Variants in CPEB3 observed in about 807,000 individuals in gnomAD.
The protein encoded by CPEB3 is cytoplasmic polyadenylation element binding protein 3.
In CPEB3, 20 loss-of-function variants were observed where a neutral mutation model predicts 67.2. That is an observed-to-expected ratio of 0.30 (90% CI 0.21 to 0.43). The LOEUF is 0.43. CPEB3 is among the 20% of genes least tolerant of loss of function. The pLI is 1.00. For missense variants in CPEB3, 746 were observed against 968.6 expected (o/e 0.77, Z 3.05); for synonymous variants, 376 against 393.1 (o/e 0.96, Z 0.51).
At chr10:92,137,363 T>C in intron 6 of CPEB3, 2 of 1,038,926 alleles carry the variant, frequency 1.9e-6, no homozygotes, top group East Asian at 2.6e-5. Flanking sequence ...CAGAGATACC[T>C]GTCTCCCAAA....
In CPEB3 at chr10:92,239,118, C is replaced by T. The variant is rs893712172; in HGVS notation, c.1005+228G>A. Among the ~76,000 whole-genome samples, 1 of 152,206 alleles carries T rather than the reference C, an allele frequency of 6.6e-6. No homozygotes were observed. Among genetic ancestry groups the T allele is most frequent in the South Asian group, 2.1e-4 (1 of 4,834 alleles). ...AAAATAAACTAAAAGAAAAAGGCTT[C>T]TTCTACCCTGAAGGGACGAATACGA... On this transcript the variant is annotated intron_variant, in intron 2 of 9. Transcript: ENST00000265997. This position sits in a 1 kb window ranked among gnomAD's most constrained non-coding sequence, Gnocchi z 6.0.
chr10:92,217,419 T>G (rs1850481240), intron 2 of CPEB3, among the ~76,000 whole-genome samples: 1 of 152,044 alleles, frequency 6.6e-6, no homozygotes, highest in South Asian at 2.1e-4. Context: ...ACTCCCAGCA[T>G]GCTTTTCAAG....
intron 9 of CPEB3, among the ~76,000 whole-genome samples, chr10:92,061,886 C>A (rs567936562): frequency 6.6e-6 from 1 of 152,306 alleles, no homozygotes; most frequent in South Asian, 2.1e-4. Flanking sequence ...CCCCATTCTC[C>A]ATGATGTGCT....
chr10:92,233,775 A>G (rs574132119), intron 2 of CPEB3, among the ~76,000 whole-genome samples: 109 of 152,254 alleles, frequency 7.2e-4, no homozygotes, highest in Admixed American at 4.0e-3. Flanking sequence ...ATAAAATATA[A>G]AACTCCTTGC....
intron 1 of CPEB3, among the ~76,000 whole-genome samples, chr10:92,266,687 G>T (rs577146398): frequency 6.6e-6 from 1 of 152,084 alleles, no homozygotes; most frequent in Non-Finnish European, 1.5e-5. Flanking sequence ...GTATAAAAGC[G>T]CTAGAAAGAA....
intron 6 of CPEB3, among the ~76,000 whole-genome samples, chr10:92,117,146 C>T (rs1425521680): frequency 1.3e-5 from 2 of 150,430 alleles, no homozygotes; most frequent in Non-Finnish European, 3.0e-5. Flanking sequence ...GCCTCAGCCT[C>T]CCAAGTAGCT....
At chr10:92,258,820 G>GT (rs1194881959) in intron 1 of CPEB3, among the ~76,000 whole-genome samples, 2 of 151,274 alleles carry the variant, frequency 1.3e-5, no homozygotes, top group Non-Finnish European at 2.9e-5. Context: ...ACCACGCTGA[G>GT]TAATTTTTTT....
At chr10:92,162,406 T>G (rs934901096) in intron 4 of CPEB3, among the ~76,000 whole-genome samples, 1 of 152,136 alleles carries the variant, frequency 6.6e-6, no homozygotes, top group Non-Finnish European at 1.5e-5. Flanking sequence ...ATATTATGTA[T>G]CTATGATTTG....
intron 2 of CPEB3, among the ~76,000 whole-genome samples, chr10:92,229,405 T>C (rs1176330568): frequency 6.6e-6 from 1 of 152,156 alleles, no homozygotes; most frequent in Non-Finnish European, 1.5e-5. Context: ...CTATTGTTAA[T>C]AACTCGACAT....
chr10:92,143,008 G>A lies in CPEB3; in HGVS notation c.1453+21C>T, dbSNP rs201487467. Reference sequence around the variant, plus strand: ...CTATCTCTCCAACAGGCAAGCAGTGGAAACATTTTAAGAGCATTACCTTTA... The same window carrying A: ...CTATCTCTCCAACAGGCAAGCAGTGAAAACATTTTAAGAGCATTACCTTTA... On this transcript the variant is annotated intron_variant, in intron 6 of 9. Coordinates refer to ENST00000265997, the MANE Select transcript of CPEB3 (RefSeq NM_014912.5). The A allele has an allele frequency of 7.0e-6, 11 of 1,568,716 alleles. No homozygotes were observed. In the Admixed American group the frequency reaches 1.5e-4, roughly 22 times the overall value.
chr10:92,264,948 C>T lies in CPEB3; in HGVS notation c.-11-24587G>A, dbSNP rs561397559. Reference sequence around the variant, plus strand: ...TGGGAGGCCAAGGTGGGCGGATCACCTGAGGTCAGGAGTTTGAGACCAGCC... The same window carrying T: ...TGGGAGGCCAAGGTGGGCGGATCACTTGAGGTCAGGAGTTTGAGACCAGCC... On this transcript the variant is annotated intron_variant, in intron 1 of 9. Coordinates refer to ENST00000265997, the MANE Select transcript of CPEB3 (RefSeq NM_014912.5). Among the ~76,000 whole-genome samples the T allele has an allele frequency of 4.6e-5, 7 of 152,086 alleles. No individual in the cohort carries two copies. The East Asian group carries it at 1.4e-3, about 30-fold the overall frequency.
chr10:92,187,113 T>G (rs1215895886), intron 3 of CPEB3, among the ~76,000 whole-genome samples: 2 of 152,190 alleles, frequency 1.3e-5, no homozygotes, highest in African/African-American at 4.8e-5. Context: ...ACAAATTTTG[T>G]GAAAGGCTCT....
intron 8 of CPEB3, among the ~76,000 whole-genome samples, chr10:92,088,319 T>A (rs1282099181): frequency 1.3e-5 from 2 of 149,764 alleles, no homozygotes; most frequent in Non-Finnish European, 3.0e-5. Context: ...CCGAGCTCCC[T>A]GGGCTCAAGT....
chr10:92,058,592 C>CATACATACATACATACATAT (rs534976355), intron 9 of CPEB3, among the ~76,000 whole-genome samples: 1 of 140,384 alleles, frequency 7.1e-6, no homozygotes, highest in African/African-American at 2.9e-5. Flanking sequence ...TACATACATA[C>CATACATACATACATACATAT]ATATATATAT....
At chr10:92,280,500 C>T (rs906826870) in intron 1 of CPEB3, among the ~76,000 whole-genome samples, 5 of 150,788 alleles carry the variant, frequency 3.3e-5, no homozygotes, top group Admixed American at 3.3e-4. Flanking sequence ...GCAGGTAGAA[C>T]ACTTGAGCCC....
chr10:92,061,729 CA>C (rs967119002), intron 9 of CPEB3, among the ~76,000 whole-genome samples: 27 of 151,664 alleles, frequency 1.8e-4, no homozygotes, highest in African/African-American at 6.1e-4. Flanking sequence ...ATAATGGGTA[CA>C]AAAAAATCAG....
chr10:92,253,481 A>G (rs374300932), intron 1 of CPEB3, among the ~76,000 whole-genome samples: 66 of 144,944 alleles, frequency 4.6e-4, no homozygotes, highest in Admixed American at 1.3e-3. Flanking sequence ...AAAAAAAAAA[A>G]AAAGAAAAGA....
chr10:92,281,724 C>T (rs1175028045), intron 1 of CPEB3, among the ~76,000 whole-genome samples: 2 of 152,136 alleles, frequency 1.3e-5, no homozygotes, highest in Non-Finnish European at 2.9e-5. Context: ...TGAGTATCTT[C>T]TACTGTTTAA....
At chr10:92,165,403 C>CTTTTTTTT (rs34205234) in intron 4 of CPEB3, among the ~76,000 whole-genome samples, 5 of 121,476 alleles carry the variant, frequency 4.1e-5, no homozygotes, top group Non-Finnish European at 6.4e-5. Flanking sequence ...CTTTTTTCTT[C>CTTTTTTTT]TTTTTTTTTT....
Sources: allele counts gnomAD v4.1 joint callset (sites outside exome capture counted in the v4.1 genomes callset), GRCh38; gene constraint gnomAD v4.1.1; non-coding constraint Gnocchi (gnomAD v3.1); transcripts MANE v1.5; gene names NCBI Gene and HGNC (gene_info 2026-07-23, HGNC 2026-07-21).